YTHDC2: variants seen among roughly 807,000 people sequenced by gnomAD.
The protein encoded by YTHDC2 is YTH N6-methyladenosine RNA binding protein C2.
A neutral mutation model predicts 174.9 loss-of-function variants in YTHDC2; 45 were observed. That is an observed-to-expected ratio of 0.26 (90% confidence interval 0.20 to 0.33). The LOEUF (loss-of-function observed/expected upper bound fraction) is 0.33. YTHDC2 is among the 10% of genes least tolerant of loss of function. YTHDC2 has a pLI of 1.00. For synonymous variants in YTHDC2, 657 were observed against 574.5 expected (o/e 1.14, Z -2.05); for missense variants, 1,650 against 1,723.7 (o/e 0.96, Z 0.76).
At chr5:113,532,196 C>T (rs779469275) in intron 4 of YTHDC2, among the ~76,000 whole-genome samples, 5 of 152,046 alleles carry the variant, frequency 3.3e-5, no homozygotes, top group African/African-American at 7.2e-5. Context: ...CTGCAAATTA[C>T]GGACATTAAG....
At position 113,594,735 on chromosome 5, in the gene YTHDC2, T is replaced by C. The variant is rs1158062370; in HGVS notation, c.*1261T>C. 6.6e-6 allele frequency: 1 copy of C among 152,154 alleles called. No individual in the cohort carries two copies. The highest frequency in any genetic ancestry group is 1.9e-4 in the East Asian group (1 of 5,190). The allele number at this position is 152,154 out of a possible 1,614,324, so 9.4% of individuals were successfully genotyped here. A position where few individuals can be genotyped will look rare whatever the true frequency, so the allele number is the denominator to read the frequency against. ...TGATGGCACTTCTCATGATACATTT[T>C]AGTTATTCTTATAAAAGCAAACAGG... On this transcript the variant is annotated 3_prime_UTR_variant, in exon 30 of 30. Coordinates refer to ENST00000161863, the MANE Select transcript of YTHDC2 (RefSeq NM_022828.5).
At chr5:113,562,725 C>G (rs1777076649) in intron 18 of YTHDC2, among the ~76,000 whole-genome samples, 1 of 152,174 alleles carries the variant, frequency 6.6e-6, no homozygotes, top group South Asian at 2.1e-4. Flanking sequence ...CCTACTCAAT[C>G]TTTACATCTT....
chr5:113,538,879 C>G (rs551908507), intron 7 of YTHDC2, among the ~76,000 whole-genome samples, 195 bp from the exon 8 acceptor site: 2 of 152,162 alleles, frequency 1.3e-5, no homozygotes, highest in East Asian at 3.9e-4. Flanking sequence ...GGAAAAAACC[C>G]AAGCACACAA....
At chr5:113,569,105 C>T (rs1438900136) in intron 23 of YTHDC2, among the ~76,000 whole-genome samples, 4 of 152,022 alleles carry the variant, frequency 2.6e-5, no homozygotes, top group African/African-American at 4.8e-5. Flanking sequence ...TGATCAGTGA[C>T]GTTGAGCTTT....
chr5:113,540,632 C>G (rs1468130326), intron 8 of YTHDC2, among the ~76,000 whole-genome samples: 2 of 152,150 alleles, frequency 1.3e-5, no homozygotes, highest in Non-Finnish European at 2.9e-5. Flanking sequence ...TGAGAACTCA[C>G]TATCATGAGA....
intron 1 of YTHDC2, 68 bp from the exon 2 acceptor site, chr5:113,515,204 C>T (rs767711586): frequency 2.5e-5 from 28 of 1,102,948 alleles, no homozygotes; most frequent in Non-Finnish European, 3.6e-5. Flanking sequence ...TATTTTGTAT[C>T]TGTGTGTTTT....
chr5:113,514,336 C>T (rs1248069967), intron 1 of YTHDC2: 6 of 675,886 alleles, frequency 8.9e-6, no homozygotes, highest in African/African-American at 8.8e-5. Context: ...TGTTTTTCCC[C>T]CGCGTCTTTC....
At position 113,584,409 on chromosome 5, in the gene YTHDC2, C is replaced by A. The variant is rs372915389; in HGVS notation, c.3755C>A (p.Ser1252Tyr). 6.2e-7 allele frequency: 1 copy of A among 1,613,834 alleles called. No individual in the cohort carries two copies. The highest frequency in any genetic ancestry group is 2.2e-5 in the East Asian group (1 of 44,850). Residue 1252 changes from serine to tyrosine, a missense_variant, in exon 26 of 30, where the codon TCT (serine) becomes TAT (tyrosine). Ser to Tyr is a moderately radical substitution (Grantham distance 144). Around this residue, in one of 5 missense-constraint regions of YTHDC2, gnomAD observed 913 missense variants for 940.4 expected, o/e 0.97. Transcript: ENST00000161863. ...ACTGAGGACCGATCAGATCAGTCTT[C>A]TCTGAAATCTACAGACAGCAGTAGT... is the stretch of plus-strand genomic sequence containing the variant. ...RGTEDRSDQS[S>Y]LKSTDSSSYP...
intron 25 of YTHDC2, chr5:113,584,040 T>G (rs1179708169): frequency 3.1e-5 from 8 of 256,304 alleles, no homozygotes; most frequent in Non-Finnish European, 5.8e-5. Context: ...TTTTATTTTA[T>G]TTAACAGATA....
Position 113,542,485 on chromosome 5 carries a change from T to C in YTHDC2, c.1477T>C (p.Leu493=). 6.2e-7 allele frequency: 1 copy of C among 1,603,262 alleles called. No homozygotes were observed. Among genetic ancestry groups the C allele is most frequent in the Non-Finnish European group, 8.5e-7 (1 of 1,176,960 alleles). Residue 493 remains leucine (L), a synonymous_variant, in exon 10 of 30, where the codon TTA becomes CTA. Transcript: ENST00000161863. The part of the protein sequence containing the change: ...DAFAQVFHLI[L]TENVSVDYRH... Reference sequence around the variant, plus strand: ...CTTTGCTCAGGTCTTTCATCTCATTTTAACTGAAAATGTTAGTGGTAAGTT... The same window carrying C: ...CTTTGCTCAGGTCTTTCATCTCATTCTAACTGAAAATGTTAGTGGTAAGTT...
chr5:113,533,114 A>G (rs898039760), intron 5 of YTHDC2, 69 bp downstream of exon 5: 4 of 1,532,392 alleles, frequency 2.6e-6, no homozygotes, highest in Non-Finnish European at 3.5e-6. Context: ...TTCACTAAAA[A>G]TAGAGGATGT....
chr5:113,580,229 G>C (rs1430801736), intron 24 of YTHDC2, among the ~76,000 whole-genome samples: 1 of 152,102 alleles, frequency 6.6e-6, no homozygotes, highest in African/African-American at 2.4e-5. Flanking sequence ...TGGAGGTTAA[G>C]TTTCAACATG....
At chr5:113,587,940 A>G (rs1265415151) in intron 26 of YTHDC2, among the ~76,000 whole-genome samples, 2 of 152,020 alleles carry the variant, frequency 1.3e-5, no homozygotes, top group African/African-American at 2.4e-5. Context: ...TCTCTCAACA[A>G]TGTTTTATAA....
At chr5:113,561,300 A>G (rs976190529) in intron 18 of YTHDC2, 115 bp downstream of exon 18, 12 of 711,486 alleles carry the variant, frequency 1.7e-5, no homozygotes, top group South Asian at 6.8e-5. Flanking sequence ...AAATTATTCA[A>G]TATATATTAT....
At chr5:113,529,981 A>T (rs965203841) in intron 4 of YTHDC2, among the ~76,000 whole-genome samples, 1 of 152,102 alleles carries the variant, frequency 6.6e-6, no homozygotes, top group South Asian at 2.1e-4. Flanking sequence ...GCTGGAGTGC[A>T]GTGGCTATTC....
intron 2 of YTHDC2, 27 bp from the exon 3 acceptor site, chr5:113,524,954 A>C: frequency 6.7e-7 from 1 of 1,499,212 alleles, no homozygotes; most frequent in East Asian, 2.5e-5. Context: ...TTTATATAGT[A>C]AATAAATGAT....
intron 7 of YTHDC2, among the ~76,000 whole-genome samples, chr5:113,537,668 T>C (rs1192435802): frequency 6.6e-6 from 1 of 152,016 alleles, no homozygotes; most frequent in Non-Finnish European, 1.5e-5. Context: ...GAAGCTCTCA[T>C]TCATGCCCTG....
At chr5:113,546,775 A>G in intron 10 of YTHDC2, among the ~76,000 whole-genome samples, 2 of 152,218 alleles carry the variant, frequency 1.3e-5, no homozygotes, top group Non-Finnish European at 2.9e-5. Flanking sequence ...CGTAGGGACT[A>G]CATTCATCTG....
At chr5:113,530,650 A>G (rs1409993751) in intron 4 of YTHDC2, among the ~76,000 whole-genome samples, 3 of 152,230 alleles carry the variant, frequency 2.0e-5, no homozygotes, top group Non-Finnish European at 4.4e-5. Flanking sequence ...ATATATACAT[A>G]ATCAGCTACA....
Sources: gnomAD v4.1 joint callset for allele counts (sites outside exome capture counted in the v4.1 genomes callset) on GRCh38, gnomAD v4.1.1 for gene constraint, gnomAD v4.1.1 regional missense constraint, MANE v1.5 for transcripts, NCBI Gene and HGNC (gene_info 2026-07-23, HGNC 2026-07-21) for gene names.